The following FBXO38 variants were observed in gnomAD, a reference collection of about 807,000 sequenced individuals.
FBXO38 encodes F-box only protein 38.
A neutral mutation model predicts 131.9 loss-of-function variants in FBXO38; 53 were observed. That is an observed-to-expected ratio of 0.40 (90% CI 0.32 to 0.51). The LOEUF (loss-of-function observed/expected upper bound fraction) is 0.51, where lower values mean the gene tolerates loss of function less well. FBXO38 is among the 20% of genes least tolerant of loss of function. The pLI is 0.53. For missense variants in FBXO38, 1,076 were observed against 1,475.6 expected (o/e 0.73, Z 4.44); for synonymous variants, 452 against 505.6 (o/e 0.89, Z 1.42).
chr5:148,416,732 A>G (rs913381709), intron 11 of FBXO38: 4 of 428,784 alleles, frequency 9.3e-6, no homozygotes, highest in Admixed American at 3.8e-5. Flanking sequence ...TTGCGGCTCT[A>G]CCACTTACTG....
rs548177546 is a variant in FBXO38, at chr5:148,392,945, G to A, written c.-63-1769G>A. Reference sequence around the variant, plus strand: ...CAGGGCAGTAAACAAGAAAAGGTGGGCAGTGGTTAATCAGAAGCAGGTGAG... The same window carrying A: ...CAGGGCAGTAAACAAGAAAAGGTGGACAGTGGTTAATCAGAAGCAGGTGAG... On this transcript the variant is annotated intron_variant, in intron 1 of 21. Coordinates refer to ENST00000340253, the MANE Select transcript of FBXO38 (RefSeq NM_205836.3). 5.3e-5 allele frequency among the ~76,000 whole-genome samples: 8 copies of A among 152,228 alleles called. No homozygotes were observed. The South Asian group carries it at 1.7e-3, about 32-fold the overall frequency.
chr5:148,431,695 G>C (rs191235535), intron 15 of FBXO38, among the ~76,000 whole-genome samples: 149 of 152,310 alleles, frequency 9.8e-4, no homozygotes, highest in African/African-American at 3.5e-3. Context: ...GGTGAAATGT[G>C]CTGCCTTTAG....
At chr5:148,411,532 C>T (rs1282318249) in intron 9 of FBXO38, among the ~76,000 whole-genome samples, 1 of 152,100 alleles carries the variant, frequency 6.6e-6, no homozygotes. Context: ...TATAGAAGAA[C>T]ATAAGAAGGC....
At chr5:148,439,589 G>C (rs1754553982) in intron 18 of FBXO38, 58 bp from the exon 19 acceptor site, 8 of 1,512,496 alleles carry the variant, frequency 5.3e-6, no homozygotes, top group Non-Finnish European at 7.3e-6. Context: ...AGCTCTCGGA[G>C]AGAGATTTCT....
intron 18 of FBXO38, 40 bp downstream of exon 18, chr5:148,438,538 GGT>G: frequency 6.4e-7 from 1 of 1,573,394 alleles, no homozygotes; most frequent in African/African-American, 1.4e-5. Flanking sequence ...CACATATTGT[GGT>G]GTTTTTCTTT....
chr5:148,389,067 C>T (rs910361316), intron 1 of FBXO38, among the ~76,000 whole-genome samples: 3 of 152,050 alleles, frequency 2.0e-5, no homozygotes, highest in African/African-American at 7.2e-5. Context: ...ATAGGGAGGC[C>T]TAAGGAGAGG....
intron 6 of FBXO38, among the ~76,000 whole-genome samples, chr5:148,405,428 T>C (rs1254496524): frequency 6.6e-6 from 1 of 152,208 alleles, no homozygotes; most frequent in Non-Finnish European, 1.5e-5. Flanking sequence ...CAATTTTTCC[T>C]CTTCCAGTGT....
At chr5:148,426,254 G>A (rs10079420) in intron 14 of FBXO38, among the ~76,000 whole-genome samples, 2,982 of 151,966 alleles carry the variant, frequency 0.02, 94 homozygotes, top group African/African-American at 0.068. Flanking sequence ...CTTTGGTTTC[G>A]CAGAACCACG....
rs752082246 is a variant in FBXO38, at chr5:148,425,565, T to C, written c.1782T>C (p.Thr594=). 6.2e-7 allele frequency: 1 copy of C among 1,613,820 alleles called. No individual in the cohort carries two copies. The highest frequency in any genetic ancestry group is 1.1e-5 in the South Asian group (1 of 91,060). Residue 594 remains threonine, a synonymous_variant, in exon 14 of 22, where the codon ACT becomes ACC. Transcript: ENST00000340253. The part of the protein sequence containing the change: ...LQRVVKPTSI[T]VHDSESDDEE... ...GTGTAGTAAAACCAACCTCAATTACTGTTCATGATTCAGAGAGTGATGATG... is the reference window on the plus strand; with the variant it reads ...GTGTAGTAAAACCAACCTCAATTACCGTTCATGATTCAGAGAGTGATGATG...
chr5:148,415,065 A>C (rs1298035200), intron 10 of FBXO38, among the ~76,000 whole-genome samples: 2 of 152,126 alleles, frequency 1.3e-5, no homozygotes, highest in African/African-American at 4.8e-5. Context: ...ACCTCTGCTG[A>C]GATCACTCGT....
intron 15 of FBXO38, 159 bp from the exon 16 acceptor site, chr5:148,433,265 A>G (rs934557138): frequency 4.1e-5 from 24 of 584,738 alleles, no homozygotes; most frequent in Admixed American, 3.8e-4. Flanking sequence ...CTGTTTTGAA[A>G]CAATCCACTG....
At chr5:148,435,659 A>G (rs1203545267) in intron 17 of FBXO38, among the ~76,000 whole-genome samples, 1 of 152,294 alleles carries the variant, frequency 6.6e-6, no homozygotes, top group East Asian at 1.9e-4. Flanking sequence ...AGTCCCAGCT[A>G]CTAGGGAGGC....
chr5:148,387,381 T>C (rs557674461), intron 1 of FBXO38, among the ~76,000 whole-genome samples: 5 of 152,202 alleles, frequency 3.3e-5, no homozygotes, highest in Non-Finnish European at 7.3e-5. Context: ...AGGCTCTACA[T>C]CCGATTGTAG....
At chr5:148,428,174 T>A (rs1753831551) in intron 15 of FBXO38, among the ~76,000 whole-genome samples, 1 of 152,222 alleles carries the variant, frequency 6.6e-6, no homozygotes, top group African/African-American at 2.4e-5. Context: ...GTTCAGCTTT[T>A]AAGGAAAATG....
In FBXO38 at chr5:148,406,183, A is replaced by T. The variant is rs548860474; in HGVS notation, c.731-74A>T. 3 of 1,370,960 alleles carry T rather than the reference A, an allele frequency of 2.2e-6. No individual in the cohort carries two copies. The African/African-American group carries it at 4.4e-5, about 20-fold the overall frequency. The allele number at this position is 1,370,960 out of a possible 1,614,324, so 84.9% of individuals were successfully genotyped here. On this transcript the variant is annotated intron_variant, in intron 6 of 21. Transcript: ENST00000340253. ...AAGACTTAGAGTTTATAAGTTATAC[A>T]TGTCTTTCACTGATTTGAAATTCAT...
At chr5:148,398,056 A>C (rs1369614119) in intron 2 of FBXO38, among the ~76,000 whole-genome samples, 1 of 152,092 alleles carries the variant, frequency 6.6e-6, no homozygotes, top group African/African-American at 2.4e-5. Context: ...TCATTGGCTA[A>C]AGTTAACAGC....
At chr5:148,418,380 G>A (rs1429279285) in intron 12 of FBXO38, among the ~76,000 whole-genome samples, 2 of 152,048 alleles carry the variant, frequency 1.3e-5, no homozygotes, top group African/African-American at 4.8e-5. Context: ...CCAACTATAT[G>A]GTATTAAATC....
At chr5:148,409,377 A>G (rs1194289333) in intron 8 of FBXO38, among the ~76,000 whole-genome samples, 160 bp downstream of exon 8, 1 of 152,238 alleles carries the variant, frequency 6.6e-6, no homozygotes, top group East Asian at 1.9e-4. Context: ...AGATAAGTAT[A>G]ACATCATGGT....
Position 148,400,767 on chromosome 5 carries a change from T to C in FBXO38, c.263-1215T>C, listed in dbSNP as rs1752103128. Among the ~76,000 whole-genome samples, 4 of 152,266 alleles carry C rather than the reference T, an allele frequency of 2.6e-5. No individual in the cohort carries two copies. The South Asian group carries it at 8.3e-4, about 31-fold the overall frequency. ...CATGTATGACAAAAGAGGATAAACATTGCAGGGGTTACACTTGGTTTTAGA... is the reference window on the plus strand; with the variant it reads ...CATGTATGACAAAAGAGGATAAACACTGCAGGGGTTACACTTGGTTTTAGA... On this transcript the variant is annotated intron_variant, in intron 3 of 21. Transcript: ENST00000340253.
Sources: allele counts gnomAD v4.1 joint callset (sites outside exome capture counted in the v4.1 genomes callset), GRCh38; gene constraint gnomAD v4.1.1; transcripts MANE v1.5; gene names NCBI Gene and HGNC (gene_info 2026-07-23, HGNC 2026-07-21).